ZNF705G: variants seen among roughly 807,000 people sequenced by gnomAD.
The protein encoded by ZNF705G is putative zinc finger protein 705G.
A neutral mutation model predicts 19.6 loss-of-function variants in ZNF705G; 23 were observed. That is an observed-to-expected ratio of 1.17 (90% confidence interval 0.84 to 1.66). The LOEUF (loss-of-function observed/expected upper bound fraction) is 1.66. Among genes scored for constraint, ZNF705G ranks in the 40% most tolerant of loss-of-function variants. The pLI, the probability that ZNF705G is intolerant of heterozygous loss-of-function variation, is 0.00. For synonymous variants in ZNF705G, 146 were observed against 117.7 expected (o/e 1.24, Z -1.56); for missense variants, 457 against 354.4 (o/e 1.29, Z -2.32).
rs1461498245 is a variant in ZNF705G at position 7,357,132 on chromosome 8, T to A, written c.*844A>T. ...TAAGAAATGAATTACCACTAAAGAATTTTCTCCTTTCAAGATGCTAACCAT... is the reference window on the plus strand; with the variant it reads ...TAAGAAATGAATTACCACTAAAGAAATTTCTCCTTTCAAGATGCTAACCAT... On this transcript the variant is annotated 3_prime_UTR_variant, in exon 7 of 7. Coordinates refer to ENST00000400156, the MANE Select transcript of ZNF705G (RefSeq NM_001164457.3). The A allele has an allele frequency of 6.6e-6, 1 of 150,422 alleles. No individual in the cohort carries two copies. Among genetic ancestry groups the A allele is most frequent in the Non-Finnish European group, 1.5e-5 (1 of 68,068 alleles). The allele number at this position is 150,422 out of a possible 1,614,324, so 9.3% of individuals were successfully genotyped here.
At chr8:7,360,731 T>C (rs935039199) in intron 4 of ZNF705G, among the ~76,000 whole-genome samples, 1 of 149,562 alleles carries the variant, frequency 6.7e-6, no homozygotes, top group Non-Finnish European at 1.5e-5. Flanking sequence ...GGAAAAGATA[T>C]TGCTATTGTT....
intron 2 of ZNF705G, among the ~76,000 whole-genome samples, chr8:7,367,945 A>T (rs1213656733): frequency 1.3e-5 from 2 of 149,718 alleles, no homozygotes. Flanking sequence ...GAACTCACCA[A>T]AAATAAAAAG....
chr8:7,359,980 T>A (rs1484625509), intron 5 of ZNF705G, among the ~76,000 whole-genome samples: 1 of 149,238 alleles, frequency 6.7e-6, no homozygotes. Flanking sequence ...AGAGTCAGCA[T>A]ATGAAAGTTT....
intron 3 of ZNF705G, among the ~76,000 whole-genome samples, chr8:7,362,330 G>C (rs1444439851): frequency 6.7e-6 from 1 of 149,722 alleles, no homozygotes; most frequent in Non-Finnish European, 1.5e-5. Flanking sequence ...GACTTCTTTA[G>C]TTGTCCTTTC....
chr8:7,361,028 A>G (rs1245028644), intron 4 of ZNF705G, 82 bp downstream of exon 4: 1 of 1,589,098 alleles, frequency 6.3e-7, no homozygotes, highest in East Asian at 2.2e-5. Context: ...TTAGAGTGAG[A>G]TATGGGGAAG....
At chr8:7,369,772 A>G (rs1379955991) in intron 2 of ZNF705G, among the ~76,000 whole-genome samples, 1 of 149,326 alleles carries the variant, frequency 6.7e-6, no homozygotes, top group African/African-American at 2.6e-5. Context: ...CCATTATTCT[A>G]AAATAATGCA....
chr8:7,366,070 G>C (rs1373261148), intron 2 of ZNF705G, among the ~76,000 whole-genome samples: 2 of 149,450 alleles, frequency 1.3e-5, no homozygotes, highest in African/African-American at 5.1e-5. Context: ...AAATAGAAAA[G>C]CAAAGATCAC....
At chr8:7,363,266 T>C (rs1362612554) in intron 2 of ZNF705G, among the ~76,000 whole-genome samples, 2 of 148,190 alleles carry the variant, frequency 1.3e-5, no homozygotes, top group South Asian at 4.2e-4. Context: ...CGGAGTTTTG[T>C]ATGTTAATTG....
intron 2 of ZNF705G, among the ~76,000 whole-genome samples, chr8:7,367,622 G>A (rs1046218360): frequency 1.1e-4 from 16 of 149,622 alleles, no homozygotes; most frequent in African/African-American, 1.5e-4. Flanking sequence ...AAAACCCAAC[G>A]CAGGATCAAG....
At chr8:7,367,152 T>C (rs1449108256) in intron 2 of ZNF705G, among the ~76,000 whole-genome samples, 3 of 149,406 alleles carry the variant, frequency 2.0e-5, no homozygotes, top group Non-Finnish European at 2.9e-5. Context: ...CACAATAAAA[T>C]GTAATAATGA....
rs377060955 is a variant in ZNF705G at position 7,369,388 on chromosome 8, C to T, written c.-71-6371G>A. 4.0e-5 allele frequency among the ~76,000 whole-genome samples: 6 copies of T among 149,302 alleles called. No homozygotes were observed. In the East Asian group the frequency reaches 9.7e-4, roughly 24 times the overall value. ...AGGGAAAATGTGGCGTTGGAACCCC[C>T]ACAGAGTCCACACTGGGGCACTGCC... On this transcript the variant is annotated intron_variant, in intron 2 of 6. Transcript: ENST00000400156.
intron 2 of ZNF705G, among the ~76,000 whole-genome samples, chr8:7,363,733 A>C (rs539497504): frequency 6.7e-6 from 1 of 149,444 alleles, no homozygotes; most frequent in Admixed American, 6.6e-5. Flanking sequence ...AAACAGGAGA[A>C]TCTCTTGAAC....
chr8:7,378,480 A>G (rs1326067941), intron 2 of ZNF705G, among the ~76,000 whole-genome samples: 2 of 88,442 alleles, frequency 2.3e-5, no homozygotes, highest in Admixed American at 1.3e-4. Context: ...CCTATAACAA[A>G]TTACAACAAA....
chr8:7,365,288 C>G (rs1164197430), intron 2 of ZNF705G, among the ~76,000 whole-genome samples: 4 of 149,218 alleles, frequency 2.7e-5, no homozygotes, highest in Non-Finnish European at 5.9e-5. Context: ...AAACTTTTCA[C>G]CAGAGCAGAA....
rs1391612889 is a variant in ZNF705G at position 7,355,965 on chromosome 8, C to A, written c.*2011G>T. The A allele has an allele frequency of 6.7e-6, 1 of 149,514 alleles. No homozygotes were observed. The highest frequency in any genetic ancestry group is 1.5e-5 in the Non-Finnish European group (1 of 68,034). The allele number at this position is 149,514 out of a possible 1,614,324, so 9.3% of individuals were successfully genotyped here. ...TTAAAATATAATGATGTGTCAACTT[C>A]AACCATGGATAAGGCCATTTAGCCT... is the stretch of plus-strand genomic sequence containing the variant. On this transcript the variant is annotated 3_prime_UTR_variant, in exon 7 of 7. Transcript: ENST00000400156.
Position 7,361,184 on chromosome 8 carries a change from G to A in ZNF705G, c.65C>T (p.Ala22Val), listed in dbSNP as rs192575015. Reference sequence around the variant, plus strand: ...CTTTCTCTTGGATGTGTCCATCATGGCCCACTCTTCCTGGGTGAAGTCAAT... The same window carrying A: ...CTTTCTCTTGGATGTGTCCATCATGACCCACTCTTCCTGGGTGAAGTCAAT... ...VAIDFTQEEWAMMDTSKRKLY... is the reference protein window; with the variant it reads ...VAIDFTQEEWVMMDTSKRKLY... The change falls in exon 4 of 7, where the codon GCC becomes GTC. Residue 22 changes from alanine (A) to valine (V), a missense_variant. By Grantham distance (64) the Ala-to-Val change is moderately conservative. Transcript: ENST00000400156. 6.3e-7 allele frequency: 1 copy of A among 1,592,980 alleles called. No individual in the cohort carries two copies. The highest frequency in any genetic ancestry group is 2.2e-5 in the East Asian group (1 of 44,860).
At chr8:7,359,921 A>G (rs1440531884) in intron 5 of ZNF705G, among the ~76,000 whole-genome samples, 1 of 149,522 alleles carries the variant, frequency 6.7e-6, no homozygotes, top group Non-Finnish European at 1.5e-5. Flanking sequence ...TGGAGATGAG[A>G]TATCAGGCAG....
chr8:7,378,871 T>G (rs1293153278), intron 2 of ZNF705G, among the ~76,000 whole-genome samples: 1 of 147,086 alleles, frequency 6.8e-6, no homozygotes, highest in Non-Finnish European at 1.5e-5. Flanking sequence ...AATTCCCCTT[T>G]GCTTACACGG....
In ZNF705G at chr8:7,356,427, G is replaced by A. The variant is rs1266930989; in HGVS notation, c.*1549C>T. ...TTCTGAGGGATAGAAGAGAAGAGCT[G>A]CCTTATTCTCTGATCCCAGTTAACT... On this transcript the variant is annotated 3_prime_UTR_variant, in exon 7 of 7. Transcript: ENST00000400156. 1 of 149,744 alleles carries A rather than the reference G, an allele frequency of 6.7e-6. No individual in the cohort carries two copies. Among genetic ancestry groups the A allele is most frequent in the Non-Finnish European group, 1.5e-5 (1 of 68,134 alleles). 9.3% of individuals were successfully genotyped at this position (149,744 alleles called of 1,614,324 possible).
Sources: gnomAD v4.1 joint callset for allele counts (sites outside exome capture counted in the v4.1 genomes callset) on GRCh38, gnomAD v4.1.1 for gene constraint, MANE v1.5 for transcripts, NCBI Gene and HGNC (gene_info 2026-07-23, HGNC 2026-07-21) for gene names.